The following PRKAR2B variants were observed in gnomAD, a reference collection of about 807,000 sequenced individuals.
The protein encoded by PRKAR2B is protein kinase cAMP-dependent type II regulatory subunit beta.
PRKAR2B carries 14 observed loss-of-function variants against 49.9 expected under a neutral mutation model. The ratio of observed to expected loss-of-function variants is 0.28; its 90% CI spans 0.19 to 0.44. PRKAR2B has a LOEUF of 0.44. PRKAR2B is among the 20% of genes least tolerant of loss of function. The probability of loss-of-function intolerance (pLI) is 1.00; values close to 1 mark genes in which losing one functional copy is unlikely to be tolerated. For synonymous variants in PRKAR2B, 196 were observed against 197.7 expected, an observed-to-expected ratio of 0.99 and a Z score of 0.07; for missense variants, 393 against 537.9, an observed-to-expected ratio of 0.73 and a Z score of 2.67.
At position 107,044,794 on chromosome 7, in the gene PRKAR2B, C is replaced by T. The variant is rs1309170947; in HGVS notation, c.-114C>T. 6.5e-6 allele frequency: 5 copies of T among 770,184 alleles called. No individual in the cohort carries two copies. Among genetic ancestry groups the T allele is most frequent in the East Asian group, 5.0e-5 (1 of 20,014 alleles). The allele number at this position is 770,184 out of a possible 1,614,324, so 47.7% of individuals were successfully genotyped here. On this transcript the variant is annotated 5_prime_UTR_variant, in exon 1 of 11. Coordinates refer to ENST00000265717, the MANE Select transcript of PRKAR2B (RefSeq NM_002736.3). ...CCGCCGGGGCCCAGTGCGCCGCGCT[C>T]GCAGCCGGTAGCGCGCCAGCGCCGT...
chr7:107,152,604 T>C (rs1287080946), intron 7 of PRKAR2B, among the ~76,000 whole-genome samples: 1 of 152,224 alleles, frequency 6.6e-6, no homozygotes, highest in African/African-American at 2.4e-5. Flanking sequence ...TTGAAGTATT[T>C]TGAGAGTAAT....
intron 4 of PRKAR2B, among the ~76,000 whole-genome samples, chr7:107,130,626 A>G (rs1795590068): frequency 6.6e-6 from 1 of 152,174 alleles, no homozygotes; most frequent in African/African-American, 2.4e-5. Context: ...TGTCCATTCA[A>G]GTTTGTTTGC....
At chr7:107,070,007 G>A in intron 1 of PRKAR2B, 1 of 279,050 alleles carries the variant, frequency 3.6e-6, no homozygotes, top group Non-Finnish European at 6.8e-6. Flanking sequence ...GCTTTATATG[G>A]TTCCCAGTTA....
intron 2 of PRKAR2B, among the ~76,000 whole-genome samples, chr7:107,078,782 G>C (rs1468023508): frequency 6.6e-6 from 1 of 152,152 alleles, no homozygotes; most frequent in African/African-American, 2.4e-5. Context: ...GCTACCTCAA[G>C]GCTAATGAGA....
At chr7:107,047,728 G>T (rs1432788744) in intron 1 of PRKAR2B, among the ~76,000 whole-genome samples, 2 of 152,148 alleles carry the variant, frequency 1.3e-5, no homozygotes, top group South Asian at 4.1e-4. Flanking sequence ...CACAGCACAA[G>T]ACCTGCTGGG....
intron 2 of PRKAR2B, among the ~76,000 whole-genome samples, chr7:107,095,844 G>C (rs1320550689): frequency 6.6e-6 from 1 of 152,144 alleles, no homozygotes; most frequent in East Asian, 1.9e-4. Flanking sequence ...TGCATCCCAG[G>C]GATGAAGCCC....
intron 4 of PRKAR2B, among the ~76,000 whole-genome samples, chr7:107,130,358 C>T (rs1021229552): frequency 4.0e-5 from 6 of 151,594 alleles, no homozygotes; most frequent in East Asian, 1.9e-4. Flanking sequence ...AAAAGTTAGC[C>T]GGGCGTGGTG....
intron 1 of PRKAR2B, among the ~76,000 whole-genome samples, chr7:107,065,516 T>G (rs1167284543): frequency 1.3e-5 from 2 of 152,172 alleles, no homozygotes; most frequent in Non-Finnish European, 2.9e-5. Flanking sequence ...TTTTTAGTCT[T>G]CTACTGGATT....
At chr7:107,114,384 C>T (rs1254065700) in intron 2 of PRKAR2B, among the ~76,000 whole-genome samples, 1 of 141,946 alleles carries the variant, frequency 7.0e-6, no homozygotes. Flanking sequence ...GTGTTTGAGA[C>T]TAAGTCTTGC....
At chr7:107,052,167 C>T (rs1584400667) in intron 1 of PRKAR2B, among the ~76,000 whole-genome samples, 2 of 152,212 alleles carry the variant, frequency 1.3e-5, no homozygotes, top group African/African-American at 4.8e-5. Context: ...TCTATAATTC[C>T]CAGCACTCTG....
At chr7:107,134,949 G>A (rs1584446387) in intron 4 of PRKAR2B, among the ~76,000 whole-genome samples, 1 of 152,006 alleles carries the variant, frequency 6.6e-6, no homozygotes, top group Admixed American at 6.6e-5. Context: ...GACACCAAAA[G>A]CATAAGCAGA....
intron 1 of PRKAR2B, among the ~76,000 whole-genome samples, chr7:107,063,258 A>G (rs2116762275): frequency 6.6e-6 from 1 of 152,310 alleles, no homozygotes; most frequent in South Asian, 2.1e-4. Flanking sequence ...GGGCCTCCCA[A>G]AGTGCCAGGA....
At chr7:107,140,024 C>G (rs901864630) in intron 4 of PRKAR2B, among the ~76,000 whole-genome samples, 4 of 152,162 alleles carry the variant, frequency 2.6e-5, no homozygotes, top group Non-Finnish European at 5.9e-5. Flanking sequence ...TTAGACTTTT[C>G]CATTGTATTG....
At chr7:107,076,116 C>T (rs1794390941) in intron 2 of PRKAR2B, among the ~76,000 whole-genome samples, 1 of 152,040 alleles carries the variant, frequency 6.6e-6, no homozygotes, top group Non-Finnish European at 1.5e-5. Flanking sequence ...TGATATTTTG[C>T]CACATTTGCA....
intron 6 of PRKAR2B, among the ~76,000 whole-genome samples, chr7:107,147,762 A>T (rs1795919173): frequency 6.6e-6 from 1 of 152,218 alleles, no homozygotes; most frequent in Admixed American, 6.5e-5. Context: ...CCCACCCACT[A>T]GTTTTGACAT....
At chr7:107,073,859 G>A (rs146796619) in intron 2 of PRKAR2B, among the ~76,000 whole-genome samples, 20 of 152,000 alleles carry the variant, frequency 1.3e-4, no homozygotes, top group African/African-American at 3.9e-4. Context: ...TCAGGAGTTC[G>A]AGACCAGCCT....
chr7:107,120,711 G>A (rs1348815952), intron 2 of PRKAR2B, among the ~76,000 whole-genome samples: 2 of 151,816 alleles, frequency 1.3e-5, no homozygotes, highest in Non-Finnish European at 1.5e-5. Flanking sequence ...TTTAATGTTG[G>A]GTTTAAAACA....
chr7:107,116,202 T>C (rs1795269289), intron 2 of PRKAR2B, among the ~76,000 whole-genome samples: 1 of 152,226 alleles, frequency 6.6e-6, no homozygotes, highest in Non-Finnish European at 1.5e-5. Flanking sequence ...ATTTACTGTG[T>C]GCCAGTCACT....
intron 2 of PRKAR2B, among the ~76,000 whole-genome samples, chr7:107,099,598 A>G (rs1436561254): frequency 1.3e-5 from 2 of 151,444 alleles, no homozygotes; most frequent in African/African-American, 4.9e-5. Context: ...TGGGAGCTGT[A>G]GACTGGAGCT....
Sources: gnomAD v4.1 joint callset for allele counts (sites outside exome capture counted in the v4.1 genomes callset) on GRCh38, gnomAD v4.1.1 for gene constraint, MANE v1.5 for transcripts, NCBI Gene and HGNC (gene_info 2026-07-23, HGNC 2026-07-21) for gene names.